Variants in CYP2A13 observed in about 807,000 individuals in gnomAD.
CYP2A13 encodes cytochrome P450 2A13.
In CYP2A13, 30 loss-of-function variants were observed where a neutral mutation model predicts 39.4. That is an observed-to-expected ratio of 0.76 (90% confidence interval 0.57 to 1.03). The LOEUF is 1.03. Ranked by LOEUF, CYP2A13 falls within the 50% of genes least tolerant of loss-of-function variation. CYP2A13 has a pLI of 0.00. For missense variants in CYP2A13, 731 were observed against 648.4 expected (o/e 1.13, Z -1.38); for synonymous variants, 269 against 254.7 (o/e 1.06, Z -0.54).
intron 5 of CYP2A13, among the ~76,000 whole-genome samples, chr19:41,093,250 C>A (rs1313851685): frequency 6.6e-6 from 1 of 151,932 alleles, no homozygotes; most frequent in Non-Finnish European, 1.5e-5. Flanking sequence ...AACAAGTGAG[C>A]CTGCATAGTC....
intron 1 of CYP2A13, 57 bp downstream of exon 1, chr19:41,088,708 G>T (rs558269797): frequency 7.6e-6 from 12 of 1,581,360 alleles, no homozygotes; most frequent in Non-Finnish European, 9.5e-6. Flanking sequence ...GTTGGCTGGG[G>T]CTTTGTGGCA....
At chr19:41,094,145 C>A in intron 6 of CYP2A13, 100 bp from the exon 7 acceptor site, 1 of 1,528,560 alleles carries the variant, frequency 6.5e-7, no homozygotes, top group South Asian at 1.3e-5. Flanking sequence ...ACCTCCGTGT[C>A]ATAGGTGGAG....
chr19:41,094,959 G>A lies in CYP2A13; in HGVS notation c.1162G>A (p.Gly388Ser). Residue 388 changes from glycine (G) to serine (S), a missense_variant and splice_region_variant, in exon 8 of 9, where the codon GGC (glycine) becomes AGC (serine). Coordinates refer to ENST00000330436, the MANE Select transcript of CYP2A13 (RefSeq NM_000766.5). The stretch of plus-strand genomic sequence containing the variant: ...CACACACCTTCCTCCTCCCTCCCAG[G>A]GCACTGAAGTGTTCCCTATGCTGGG... ...TKFRDFFLPK[G>S]TEVFPMLGSV... is the part of the protein sequence containing the mutation. The A allele has an allele frequency of 6.2e-7, 1 of 1,613,836 alleles. No homozygotes were observed. Among genetic ancestry groups the A allele is most frequent in the Non-Finnish European group, 8.5e-7 (1 of 1,179,950 alleles).
chr19:41,089,847 TCTC>T (rs2031136637), intron 2 of CYP2A13, among the ~76,000 whole-genome samples, 197 bp from the exon 3 acceptor site: 2 of 118,894 alleles, frequency 1.7e-5, no homozygotes, highest in Non-Finnish European at 3.6e-5. Context: ...TCTCTCTCTC[TCTC>T]TCTCTCTCTC....
At chr19:41,091,464 T>C (rs2031186898) in intron 4 of CYP2A13, among the ~76,000 whole-genome samples, 4 of 152,338 alleles carry the variant, frequency 2.6e-5, no homozygotes, top group African/African-American at 9.6e-5. Context: ...CACCTAGATG[T>C]GTGCTCCAAT....
At chr19:41,090,656 T>A in intron 4 of CYP2A13, 92 bp downstream of exon 4, 5 of 1,575,046 alleles carry the variant, frequency 3.2e-6, no homozygotes, top group Non-Finnish European at 4.3e-6. Flanking sequence ...CCCACCCCCC[T>A]CCAGACAGTG....
chr19:41,096,007 C>T lies in CYP2A13; in HGVS notation c.*66C>T. On this transcript the variant is annotated 3_prime_UTR_variant, in exon 9 of 9. Transcript: ENST00000330436. ...GGAAACGGCCGGGGCAGGGGCGGGG[C>T]TTGTGGGAGGGGCGGGGCTAAGAAT... is the stretch of plus-strand genomic sequence containing the variant. The T allele has an allele frequency of 4.9e-5, 14 of 283,626 alleles. No homozygotes were observed. Among genetic ancestry groups the T allele is most frequent in the South Asian group, 1.3e-4 (4 of 31,448 alleles). 17.6% of individuals were successfully genotyped at this position (283,626 alleles called of 1,614,324 possible). A position where few individuals can be genotyped will look rare whatever the true frequency, so the allele number is the denominator to read the frequency against.
intron 4 of CYP2A13, 121 bp downstream of exon 4, chr19:41,090,685 C>G (rs2031170942): frequency 6.8e-7 from 1 of 1,474,304 alleles, no homozygotes. Flanking sequence ...AAATCAGTCC[C>G]CGATATTGGA....
At chr19:41,093,554 G>A in intron 5 of CYP2A13, 76 bp from the exon 6 acceptor site, 2 of 1,569,840 alleles carry the variant, frequency 1.3e-6, no homozygotes, top group Non-Finnish European at 1.7e-6. Context: ...AAGAGAGGTA[G>A]CTCCAAAGGA....
At chr19:41,089,423 C>A (rs2031118496) in intron 2 of CYP2A13, among the ~76,000 whole-genome samples, 1 of 152,036 alleles carries the variant, frequency 6.6e-6, no homozygotes, top group Non-Finnish European at 1.5e-5. Flanking sequence ...CTTTTTGTCG[C>A]TCTCGGCTTC....
In CYP2A13 at chr19:41,095,018, C is replaced by T. The variant is rs753602220; in HGVS notation, c.1221C>T (p.Asn407=). Residue 407 remains asparagine, a synonymous_variant, in exon 8 of 9, where the codon AAC becomes AAT. Coordinates refer to ENST00000330436, the MANE Select transcript of CYP2A13 (RefSeq NM_000766.5). ...SVLRDPRFFS[N]PRDFNPQHFL... ...TGAGAGACCCCAGGTTCTTCTCCAA[C>T]CCCCGGGACTTCAATCCCCAGCACT... is the stretch of plus-strand genomic sequence containing the variant. The T allele has an allele frequency of 1.2e-6, 2 of 1,614,110 alleles. No individual in the cohort carries two copies. The highest frequency in any genetic ancestry group is 3.3e-5 in the Admixed American group (2 of 60,008).
intron 7 of CYP2A13, 120 bp from the exon 8 acceptor site, chr19:41,094,839 A>G: frequency 1.7e-6 from 2 of 1,160,496 alleles, no homozygotes; most frequent in African/African-American, 1.5e-5. Context: ...GAGGTCCCCA[A>G]CTCCTCCATG....
chr19:41,090,557 CG>C lies in CYP2A13; in HGVS notation c.651del (p.Gln218SerfsTer9), dbSNP rs1158365048. On this transcript the variant is annotated frameshift_variant, in exon 4 of 9. Transcript: ENST00000330436. LOFTEE classifies it high-confidence loss of function. ...LGSFQFTATS[T>X]GQLYEMFSSV... ...AGCTTCCAGTTCACGGCAACCTCCA[CG>C]GGGCAGGTAACTGGCTGCAGCCCGC... 3.1e-6 allele frequency: 5 copies of C among 1,613,962 alleles called. No homozygotes were observed. In the African/African-American group the frequency reaches 6.7e-5, roughly 22 times the overall value.
Position 41,090,063 on chromosome 19 carries a change from C to A in CYP2A13, c.360C>A (p.Asn120Lys). 6.2e-7 allele frequency: 1 copy of A among 1,612,828 alleles called. No individual in the cohort carries two copies. Among genetic ancestry groups the A allele is most frequent in the Non-Finnish European group, 8.5e-7 (1 of 1,179,664 alleles). ...CCTCCCCAGGCGTGGCGTTCAGCAA[C>A]GGGGAGCGCGCCAAGCAGCTCCGGC... ...LFKGYGVAFS[N>K]GERAKQLRRF... The change falls in exon 3 of 9, where the codon AAC becomes AAA. Residue 120 changes from asparagine to lysine, a missense_variant. Transcript: ENST00000330436.
In CYP2A13 at chr19:41,095,800, G is replaced by C. The variant is rs2144728968; in HGVS notation, c.1344G>C (p.Glu448Asp). The change falls in exon 9 of 9, where the codon GAG becomes GAC. Residue 448 changes from glutamate (E) to aspartate (D), a missense_variant. By Grantham distance (45) the Glu-to-Asp change is conservative. Coordinates refer to ENST00000330436, the MANE Select transcript of CYP2A13 (RefSeq NM_000766.5). ...YCFGEGLARM[E>D]LFLFFTTIMQ... Reference sequence around the variant, plus strand: ...TTGGAGAAGGCCTGGCCAGAATGGAGCTCTTTCTCTTCTTCACCACCATCA... The same window carrying C: ...TTGGAGAAGGCCTGGCCAGAATGGACCTCTTTCTCTTCTTCACCACCATCA... 1 of 1,614,136 alleles carries C rather than the reference G, an allele frequency of 6.2e-7. No homozygotes were observed. Among genetic ancestry groups the C allele is most frequent in the Non-Finnish European group, 8.5e-7 (1 of 1,179,992 alleles).
intron 4 of CYP2A13, among the ~76,000 whole-genome samples, chr19:41,091,120 T>G (rs549665091): frequency 2.0e-5 from 3 of 152,156 alleles, no homozygotes; most frequent in African/African-American, 7.2e-5. Flanking sequence ...AATATCTAGA[T>G]AGATTATTCC....
chr19:41,089,931 A>G (rs2031143083), intron 2 of CYP2A13, 116 bp from the exon 3 acceptor site: 1 of 1,267,900 alleles, frequency 7.9e-7, no homozygotes, highest in South Asian at 1.7e-5. Flanking sequence ...CGCTGAATCC[A>G]TCTCTCTCCC....
intron 7 of CYP2A13, 38 bp from the exon 8 acceptor site, chr19:41,094,921 A>C (rs2031269078): frequency 3.7e-6 from 6 of 1,610,132 alleles, no homozygotes; most frequent in Non-Finnish European, 5.1e-6. Context: ...AATCCCCCCA[A>C]CCTGCCTCAT....
intron 2 of CYP2A13, among the ~76,000 whole-genome samples, chr19:41,089,816 C>CGG (rs1240713292): frequency 4.1e-5 from 1 of 24,200 alleles, no homozygotes; most frequent in Non-Finnish European, 7.8e-5. Context: ...CTCTCTCTCT[C>CGG]TCTCTCTCTC....
Sources: allele counts gnomAD v4.1 joint callset (sites outside exome capture counted in the v4.1 genomes callset), GRCh38; gene constraint gnomAD v4.1.1; transcripts MANE v1.5; gene names NCBI Gene and HGNC (gene_info 2026-07-23, HGNC 2026-07-21).